GREM2: variants seen among roughly 807,000 people sequenced by gnomAD.
The protein encoded by GREM2 is gremlin-2.
Under a neutral mutation model 14.2 loss-of-function variants are expected in GREM2, and 11 were observed. That is an observed-to-expected ratio of 0.78 (90% CI 0.49 to 1.28). The LOEUF (loss-of-function observed/expected upper bound fraction) is 1.28. GREM2 is among the 50% of genes most tolerant of loss of function. GREM2 has a pLI of 0.00. For missense variants in GREM2, 210 were observed against 218.5 expected, an observed-to-expected ratio of 0.96 and a Z score of 0.24; for synonymous variants, 98 against 97.6, an observed-to-expected ratio of 1.00 and a Z score of -0.02.
At chr1:240,554,501 A>T (rs954982526) in intron 1 of GREM2, among the ~76,000 whole-genome samples, 1 of 152,058 alleles carries the variant, frequency 6.6e-6, no homozygotes, top group African/African-American at 2.4e-5. Context: ...TGGAGCCTAC[A>T]TTATTTGGTT....
At chr1:240,495,870 G>C (rs1011056641) in intron 1 of GREM2, among the ~76,000 whole-genome samples, 6 of 152,138 alleles carry the variant, frequency 3.9e-5, no homozygotes, top group African/African-American at 1.4e-4. Context: ...GTTTATTCTG[G>C]AGTAAGCACT....
At chr1:240,527,685 T>C (rs1678254281) in intron 1 of GREM2, among the ~76,000 whole-genome samples, 1 of 152,208 alleles carries the variant, frequency 6.6e-6, no homozygotes, top group Non-Finnish European at 1.5e-5. Flanking sequence ...ACAGCTAAAC[T>C]ATAATGTTCA....
chr1:240,493,532 A>C (rs1273332181), intron 1 of GREM2, 56 bp from the exon 2 acceptor site: 1 of 1,456,104 alleles, frequency 6.9e-7, no homozygotes, highest in East Asian at 2.5e-5. Context: ...TACGGGATCA[A>C]TCTTACTTAT....
intron 1 of GREM2, among the ~76,000 whole-genome samples, chr1:240,510,724 TAAC>T (rs962024842): frequency 2.6e-5 from 4 of 152,230 alleles, no homozygotes; most frequent in Non-Finnish European, 5.9e-5. Flanking sequence ...AGTCTGTGGT[TAAC>T]ATTTAAATTA....
intron 1 of GREM2, among the ~76,000 whole-genome samples, chr1:240,586,346 C>G (rs1679599070): frequency 6.6e-6 from 1 of 152,180 alleles, no homozygotes; most frequent in Admixed American, 6.6e-5. Flanking sequence ...TGACTTTCTC[C>G]TGATCACTAC....
chr1:240,493,441 A>G lies in GREM2; in HGVS notation c.35T>C (p.Val12Ala). 6.2e-7 allele frequency: 1 copy of G among 1,611,022 alleles called. No homozygotes were observed. The highest frequency in any genetic ancestry group is 8.5e-7 in the Non-Finnish European group (1 of 1,178,572). Residue 12 changes from valine to alanine, a missense_variant, in exon 2 of 2, where the codon GTG becomes GCG. Val to Ala is a moderately conservative substitution (Grantham distance 64). Transcript: ENST00000318160. The stretch of plus-strand genomic sequence containing the variant: ...TTCCGCCACCTTCACCAGCACCGCC[A>G]CCAGGAACAAGGACAGGGAAAGCTT... ...FWKLSLSLFL[V>A]AVLVKVAEAR...
intron 1 of GREM2, among the ~76,000 whole-genome samples, chr1:240,529,369 T>C (rs1180026627): frequency 1.3e-5 from 2 of 151,730 alleles, no homozygotes; most frequent in African/African-American, 4.8e-5. Flanking sequence ...GTTGGAACCA[T>C]TTGAATGAAC....
Position 240,589,920 on chromosome 1 carries a change from G to A in GREM2, c.-2+21964C>T, listed in dbSNP as rs572402822. Among the ~76,000 whole-genome samples the A allele has an allele frequency of 4.6e-5, 7 of 152,244 alleles. No individual in the cohort carries two copies. The East Asian group carries it at 9.7e-4, about 21-fold the overall frequency. ...ATGGGTAGAATTTCAACAGGCGGAT[G>A]TTGGAGTGGGGAAGGAGGAGAAAGG... On this transcript the variant is annotated intron_variant, in intron 1 of 1. Transcript: ENST00000318160.
At position 240,603,834 on chromosome 1, in the gene GREM2, T is replaced by TTATA. The variant is rs145566989; in HGVS notation, c.-2+8046_-2+8049dup. ...TATGCTATTGTGTTATATATGTATT[T>TTATA]TATATATATATATATGCTATTGTGT... On this transcript the variant is annotated intron_variant, in intron 1 of 1. Coordinates refer to ENST00000318160, the MANE Select transcript of GREM2 (RefSeq NM_022469.4). 1.3e-3 allele frequency among the ~76,000 whole-genome samples: 193 copies of TTATA among 149,704 alleles called. 1 individual carries two copies. Among genetic ancestry groups the TTATA allele is most frequent in the African/African-American group, 4.2e-3 (173 of 40,886 alleles).
Position 240,545,597 on chromosome 1 carries a change from C to T in GREM2, c.-1-52121G>A, listed in dbSNP as rs148058059. ...ATGCTTGGCATCAGAAATGGGGTATCGTCTTGTGGGATTCTGAGCCCTCCC... is the reference window on the plus strand; with the variant it reads ...ATGCTTGGCATCAGAAATGGGGTATTGTCTTGTGGGATTCTGAGCCCTCCC... On this transcript the variant is annotated intron_variant, in intron 1 of 1. Coordinates refer to ENST00000318160, the MANE Select transcript of GREM2 (RefSeq NM_022469.4). Among the ~76,000 whole-genome samples the T allele has an allele frequency of 2.8e-3, 419 of 152,258 alleles. 1 individual carries two copies. Among genetic ancestry groups the T allele is most frequent in the African/African-American group, 9.8e-3 (409 of 41,580 alleles).
At chr1:240,546,641 A>G (rs569508810) in intron 1 of GREM2, among the ~76,000 whole-genome samples, 1 of 152,358 alleles carries the variant, frequency 6.6e-6, no homozygotes, top group South Asian at 2.1e-4. Context: ...TGCAAATGAT[A>G]CTAATTGTAT....
chr1:240,586,709 T>C, intron 1 of GREM2, among the ~76,000 whole-genome samples: 1 of 152,342 alleles, frequency 6.6e-6, no homozygotes, highest in Admixed American at 6.5e-5. Flanking sequence ...GGTGTCACCC[T>C]GGTACCTCGG....
chr1:240,572,249 A>G (rs1203288267), intron 1 of GREM2, among the ~76,000 whole-genome samples: 1 of 152,210 alleles, frequency 6.6e-6, no homozygotes, highest in Admixed American at 6.5e-5. Context: ...TACATTGCCC[A>G]TGGGTTGCAG....
chr1:240,552,252 C>A (rs1045332467), intron 1 of GREM2, among the ~76,000 whole-genome samples: 1 of 152,060 alleles, frequency 6.6e-6, no homozygotes, highest in African/African-American at 2.4e-5. Flanking sequence ...TTTTAGGGAG[C>A]TTTCATTTTC....
intron 1 of GREM2, among the ~76,000 whole-genome samples, chr1:240,586,194 G>A (rs535930376): frequency 1.6e-4 from 24 of 152,180 alleles, no homozygotes; most frequent in African/African-American, 5.1e-4. Flanking sequence ...AATCATCTCC[G>A]GAGGATAGAG....
intron 1 of GREM2, among the ~76,000 whole-genome samples, chr1:240,505,228 A>G (rs2103282331): frequency 6.6e-6 from 1 of 152,310 alleles, no homozygotes; most frequent in Admixed American, 6.5e-5. Flanking sequence ...GCAGATGACC[A>G]ACATCATGCG....
At chr1:240,513,361 G>C (rs1406640901) in intron 1 of GREM2, among the ~76,000 whole-genome samples, 1 of 152,102 alleles carries the variant, frequency 6.6e-6, no homozygotes, top group Admixed American at 6.6e-5. Flanking sequence ...CGGATCGCGA[G>C]GTCAAGAGAT....
chr1:240,550,740 A>G (rs1678831595), intron 1 of GREM2, among the ~76,000 whole-genome samples: 1 of 152,204 alleles, frequency 6.6e-6, no homozygotes, highest in African/African-American at 2.4e-5. Context: ...AGACAGTCTG[A>G]AAAGATGTAA....
intron 1 of GREM2, among the ~76,000 whole-genome samples, chr1:240,499,995 T>C (rs1200143817): frequency 6.6e-6 from 1 of 152,226 alleles, no homozygotes; most frequent in Non-Finnish European, 1.5e-5. Context: ...AGTGTTGAAC[T>C]CTTTTGCCAG....
Sources: allele counts gnomAD v4.1 joint callset (sites outside exome capture counted in the v4.1 genomes callset), GRCh38; gene constraint gnomAD v4.1.1; transcripts MANE v1.5; gene names NCBI Gene and HGNC (gene_info 2026-07-23, HGNC 2026-07-21).